ATR: variants seen among roughly 807,000 people sequenced by gnomAD.
ATR encodes the protein ATR checkpoint kinase.
A neutral mutation model predicts 305.3 loss-of-function variants in ATR; 142 were observed. That is an observed-to-expected ratio of 0.47 (90% CI 0.41 to 0.53). The LOEUF is 0.53. ATR is among the 20% of genes least tolerant of loss of function. The pLI is 0.00. For synonymous variants in ATR, 1,050 were observed against 1,068.1 expected (o/e 0.98, Z 0.33); for missense variants, 2,135 against 3,133.1 (o/e 0.68, Z 7.60).
chr3:142,552,781 A>AAAAGGAAC (rs2034519543), intron 13 of ATR, among the ~76,000 whole-genome samples: 1 of 152,146 alleles, frequency 6.6e-6, no homozygotes, highest in Non-Finnish European at 1.5e-5. Flanking sequence ...TACAGCCATA[A>AAAAGGAAC]AAAGGAACAA....
intron 19 of ATR, among the ~76,000 whole-genome samples, chr3:142,536,836 T>G (rs1405128913): frequency 6.6e-6 from 1 of 152,168 alleles, no homozygotes; most frequent in Admixed American, 6.6e-5. Flanking sequence ...TGATTTGGAA[T>G]GTAGCAATAG....
intron 26 of ATR, 78 bp downstream of exon 26, chr3:142,513,419 ATAGG>A: frequency 6.6e-7 from 1 of 1,511,508 alleles, no homozygotes; most frequent in Non-Finnish European, 9.2e-7. Context: ...TTTCCTACTA[ATAGG>A]TAGCCTTTCT....
At chr3:142,454,954 T>C (rs963021019) in intron 45 of ATR, among the ~76,000 whole-genome samples, 6 of 152,154 alleles carry the variant, frequency 3.9e-5, no homozygotes, top group Non-Finnish European at 8.8e-5. Flanking sequence ...ATAAAAGGCA[T>C]TGATATTAAA....
chr3:142,494,798 T>G (rs1007029996), intron 34 of ATR, among the ~76,000 whole-genome samples: 1 of 152,248 alleles, frequency 6.6e-6, no homozygotes, highest in African/African-American at 2.4e-5. Context: ...AAGAATACTT[T>G]GTAAGATTTA....
chr3:142,506,614 G>C (rs922573534), intron 28 of ATR, among the ~76,000 whole-genome samples: 1 of 152,188 alleles, frequency 6.6e-6, no homozygotes, highest in Non-Finnish European at 1.5e-5. Context: ...TTGAGCCTGG[G>C]AGGTGGAGGT....
intron 32 of ATR, among the ~76,000 whole-genome samples, chr3:142,497,534 T>G (rs369479295): frequency 1.3e-5 from 2 of 151,918 alleles, no homozygotes; most frequent in East Asian, 3.9e-4. Flanking sequence ...GCCACTGCAC[T>G]CCAGCTCAGG....
rs530678762 is a variant in ATR, at chr3:142,562,944, A to G, written c.458T>C (p.Phe153Ser). ...TCTATGGAGGTAAACCAAGTCTTCA[A>G]AAAGTTGTAATAATTCTTTTGTGAG... ...GVLTKELLQLFEDLVYLHRRN... is the reference protein window; with the variant it reads ...GVLTKELLQLSEDLVYLHRRN... Residue 153 changes from phenylalanine to serine, a missense_variant, in exon 4 of 47, where the codon TTT becomes TCT. Around this residue, in one of 9 missense-constraint regions of ATR, gnomAD observed 744 missense variants for 873.2 expected, o/e 0.85. Transcript: ENST00000350721. 6.2e-7 allele frequency: 1 copy of G among 1,613,210 alleles called. No individual in the cohort carries two copies. Among genetic ancestry groups the G allele is most frequent in the African/African-American group, 1.3e-5 (1 of 75,016 alleles).
chr3:142,528,966 C>A (rs1012363358), intron 21 of ATR, among the ~76,000 whole-genome samples: 5 of 142,124 alleles, frequency 3.5e-5, no homozygotes, highest in African/African-American at 1.3e-4. Flanking sequence ...TCACTGCAAC[C>A]TCTGCCTCCC....
At chr3:142,552,269 C>T (rs1341011134) in intron 13 of ATR, among the ~76,000 whole-genome samples, 1 of 152,032 alleles carries the variant, frequency 6.6e-6, no homozygotes, top group East Asian at 1.9e-4. Flanking sequence ...ACCATTTGAC[C>T]CAGCAATCCC....
intron 43 of ATR, 32 bp from the exon 44 acceptor site, chr3:142,459,143 A>C (rs756158487): frequency 6.2e-7 from 1 of 1,613,598 alleles, no homozygotes; most frequent in South Asian, 1.1e-5. Context: ...TGAAATATCC[A>C]TATACATATG....
At position 142,517,104 on chromosome 3, in the gene ATR, A is replaced by G. The variant is rs912643759; in HGVS notation, c.4383-1589T>C. 2.0e-5 allele frequency among the ~76,000 whole-genome samples: 3 copies of G among 151,262 alleles called. No homozygotes were observed. In the East Asian group the frequency reaches 5.8e-4, roughly 29 times the overall value. ...ACCAGGAGAAAAAATTCAAATCCCTATTTTGAATCATCACGCGTATAGTTC... is the reference window on the plus strand; with the variant it reads ...ACCAGGAGAAAAAATTCAAATCCCTGTTTTGAATCATCACGCGTATAGTTC... On this transcript the variant is annotated intron_variant, in intron 24 of 46. Coordinates refer to ENST00000350721, the MANE Select transcript of ATR (RefSeq NM_001184.4).
At chr3:142,479,456 A>C (rs1412227829) in intron 36 of ATR, among the ~76,000 whole-genome samples, 1 of 152,156 alleles carries the variant, frequency 6.6e-6, no homozygotes, top group African/African-American at 2.4e-5. Context: ...CCGAGAGATC[A>C]GCTGTTAGTC....
At chr3:142,460,886 C>T (rs764639282) in intron 42 of ATR, among the ~76,000 whole-genome samples, 4 of 152,046 alleles carry the variant, frequency 2.6e-5, no homozygotes, top group South Asian at 2.1e-4. Context: ...TCATATCTTG[C>T]GTAACAATAG....
chr3:142,469,610 G>C (rs979268669), intron 37 of ATR, 41 bp from the exon 38 acceptor site: 2 of 1,528,746 alleles, frequency 1.3e-6, no homozygotes, highest in Non-Finnish European at 9.1e-7. Context: ...AAAGGAAAGA[G>C]AAAAATCAGT....
intron 21 of ATR, among the ~76,000 whole-genome samples, chr3:142,530,484 T>C (rs1010321510): frequency 1.3e-5 from 2 of 152,224 alleles, no homozygotes; most frequent in Non-Finnish European, 2.9e-5. Context: ...ATATTTTTTC[T>C]ACACATATTG....
intron 18 of ATR, 43 bp downstream of exon 18, chr3:142,540,861 A>G: frequency 6.5e-7 from 1 of 1,545,906 alleles, no homozygotes; most frequent in Non-Finnish European, 8.7e-7. Context: ...CTACTGGAAA[A>G]TGCAAAAAAA....
chr3:142,518,887 C>T (rs1352050136), intron 24 of ATR, among the ~76,000 whole-genome samples: 1 of 152,004 alleles, frequency 6.6e-6, no homozygotes, highest in Non-Finnish European at 1.5e-5. Context: ...TCAGTCCTAA[C>T]AAAGTCATTT....
intron 36 of ATR, among the ~76,000 whole-genome samples, chr3:142,479,705 C>T (rs963287207): frequency 5.9e-5 from 9 of 152,294 alleles, no homozygotes; most frequent in South Asian, 4.1e-4. Context: ...TTCCATTTCC[C>T]CATCACTTTC....
rs1014994919 is a variant in ATR, at chr3:142,457,901, A to G, written c.7504-146T>C. 10 of 884,774 alleles carry G rather than the reference A, an allele frequency of 1.1e-5. No individual in the cohort carries two copies. In the African/African-American group the frequency reaches 1.7e-4, roughly 15 times the overall value. The allele number at this position is 884,774 out of a possible 1,614,324, so 54.8% of individuals were successfully genotyped here. A position where few individuals can be genotyped will look rare whatever the true frequency, so the allele number is the denominator to read the frequency against. ...TGTAATTACTTTAGAAGTTTGTAAC[A>G]TGAAGGAGCCATGTAGCTCTGCCTT... On this transcript the variant is annotated intron_variant, in intron 44 of 46. Transcript: ENST00000350721.
Sources: gnomAD v4.1 joint callset for allele counts (sites outside exome capture counted in the v4.1 genomes callset) on GRCh38, gnomAD v4.1.1 for gene constraint, gnomAD v4.1.1 regional missense constraint, MANE v1.5 for transcripts, NCBI Gene and HGNC (gene_info 2026-07-23, HGNC 2026-07-21) for gene names.